The following CACNA2D1 variants were observed in gnomAD, a reference collection of about 807,000 sequenced individuals.
The protein encoded by CACNA2D1 is voltage-dependent calcium channel subunit alpha-2/delta-1.
In CACNA2D1, 53 loss-of-function variants were observed where a neutral mutation model predicts 171.5. That is an observed-to-expected ratio of 0.31 (90% CI 0.25 to 0.39). The LOEUF is 0.39. Ranked by LOEUF, CACNA2D1 falls within the 10% of genes least tolerant of loss-of-function variation. The pLI, the probability that CACNA2D1 is intolerant of heterozygous loss-of-function variation, is 1.00. For synonymous variants in CACNA2D1, 442 were observed against 443.1 expected, an observed-to-expected ratio of 1.00 and a Z score of 0.03; for missense variants, 903 against 1,299.8, an observed-to-expected ratio of 0.69 and a Z score of 4.69.
At position 81,959,808 on chromosome 7, in the gene CACNA2D1, A is replaced by G. The variant is rs760510222; in HGVS notation, c.2988T>C (p.Leu996=). ...NCSRIFHGEK[L]MNTNLIFIMV... ...TTATGAATATTAAGTTGGTGTTCATAAGCTTTTCTCCATGAAAGATTCTGC... is the reference window on the plus strand; with the variant it reads ...TTATGAATATTAAGTTGGTGTTCATGAGCTTTTCTCCATGAAAGATTCTGC... Residue 996 remains leucine, a synonymous_variant, in exon 37 of 39, where the codon CTT becomes CTC. Transcript: ENST00000356860. The G allele has an allele frequency of 6.2e-7, 1 of 1,612,406 alleles. No homozygotes were observed. Among genetic ancestry groups the G allele is most frequent in the Non-Finnish European group, 8.5e-7 (1 of 1,178,990 alleles).
intron 10 of CACNA2D1, among the ~76,000 whole-genome samples, chr7:82,044,507 T>C (rs943050018): frequency 6.6e-6 from 1 of 152,148 alleles, no homozygotes; most frequent in African/African-American, 2.4e-5. Context: ...TGGAAAAGGA[T>C]TTTTTAAATT....
intron 3 of CACNA2D1, among the ~76,000 whole-genome samples, chr7:82,266,027 C>G (rs1307139361): frequency 6.6e-6 from 1 of 152,096 alleles, no homozygotes; most frequent in Non-Finnish European, 1.5e-5. Context: ...TACAAGATGG[C>G]AAATTTATTT....
intron 3 of CACNA2D1, among the ~76,000 whole-genome samples, chr7:82,303,302 C>T (rs750060568): frequency 1.3e-5 from 2 of 152,018 alleles, no homozygotes; most frequent in African/African-American, 4.8e-5. Flanking sequence ...CCACCACATC[C>T]GGCCAACATT....
chr7:82,272,310 A>G (rs1808739557), intron 3 of CACNA2D1, among the ~76,000 whole-genome samples: 1 of 152,178 alleles, frequency 6.6e-6, no homozygotes, highest in Admixed American at 6.5e-5. Context: ...AATAGTAATA[A>G]TAGTTGTAGT....
chr7:82,397,155 T>C (rs1825828015), intron 1 of CACNA2D1, among the ~76,000 whole-genome samples: 1 of 152,142 alleles, frequency 6.6e-6, no homozygotes, highest in Non-Finnish European at 1.5e-5. Context: ...ACTAACTCGC[T>C]TTCCCCAAAA....
chr7:82,356,866 T>C (rs919812386), intron 1 of CACNA2D1, among the ~76,000 whole-genome samples: 3 of 152,224 alleles, frequency 2.0e-5, no homozygotes, highest in Non-Finnish European at 4.4e-5. Context: ...CCAAATATTT[T>C]GTGTGTATTA....
At chr7:82,389,940 T>A (rs1459927927) in intron 1 of CACNA2D1, among the ~76,000 whole-genome samples, 1 of 152,224 alleles carries the variant, frequency 6.6e-6, no homozygotes, top group Non-Finnish European at 1.5e-5. Context: ...GTTCTTTGTG[T>A]TGTTACTTGA....
At chr7:82,330,681 T>C (rs2129443661) in intron 3 of CACNA2D1, among the ~76,000 whole-genome samples, 1 of 152,284 alleles carries the variant, frequency 6.6e-6, no homozygotes, top group South Asian at 2.1e-4. Context: ...CAGGATTCAC[T>C]GAAAAATTAA....
chr7:82,161,691 A>G (rs1258834128), intron 4 of CACNA2D1, among the ~76,000 whole-genome samples: 2 of 152,048 alleles, frequency 1.3e-5, no homozygotes, highest in Admixed American at 6.6e-5. Flanking sequence ...AGTAATAGAA[A>G]TAATAGTTCA....
chr7:82,061,630 T>C (rs1269351255), intron 9 of CACNA2D1, among the ~76,000 whole-genome samples: 1 of 152,144 alleles, frequency 6.6e-6, no homozygotes, highest in Non-Finnish European at 1.5e-5. Context: ...GACCATGGCA[T>C]TGCAGTAAAG....
chr7:82,105,100 G>A (rs1787580219), intron 6 of CACNA2D1, among the ~76,000 whole-genome samples: 1 of 151,726 alleles, frequency 6.6e-6, no homozygotes, highest in African/African-American at 2.4e-5. Context: ...TTAAAATATG[G>A]TAATTATTTT....
At chr7:82,225,942 A>T (rs1222975368) in intron 3 of CACNA2D1, among the ~76,000 whole-genome samples, 1 of 152,240 alleles carries the variant, frequency 6.6e-6, no homozygotes, top group Admixed American at 6.5e-5. Flanking sequence ...CTAAAAGGAT[A>T]ATAGTCATCT....
At chr7:82,060,341 A>G in intron 10 of CACNA2D1, 87 bp downstream of exon 10, 2 of 860,170 alleles carry the variant, frequency 2.3e-6, no homozygotes, top group Non-Finnish European at 1.9e-6. Context: ...CTCAGCCTCT[A>G]TAAGATAAAA....
chr7:82,396,584 T>G (rs181603120), intron 1 of CACNA2D1, among the ~76,000 whole-genome samples: 2 of 152,368 alleles, frequency 1.3e-5, no homozygotes, highest in Non-Finnish European at 2.9e-5. Context: ...TCTTTACGTC[T>G]AAATAGCTAT....
intron 3 of CACNA2D1, among the ~76,000 whole-genome samples, chr7:82,216,904 AAAAAG>A (rs1378238873): frequency 2.0e-5 from 3 of 151,840 alleles, no homozygotes; most frequent in Non-Finnish European, 4.4e-5. Context: ...AAAAAAAAAA[AAAAAG>A]AAAGCTGGTT....
chr7:82,424,384 C>T (rs921951319), intron 1 of CACNA2D1, among the ~76,000 whole-genome samples: 4 of 152,116 alleles, frequency 2.6e-5, no homozygotes, highest in South Asian at 2.1e-4. Flanking sequence ...GAACTCATAG[C>T]TATTCACCTA....
intron 3 of CACNA2D1, among the ~76,000 whole-genome samples, chr7:82,170,966 C>A (rs146682452): frequency 6.6e-6 from 1 of 151,988 alleles, no homozygotes; most frequent in Admixed American, 6.6e-5. Context: ...TTAGTAAATA[C>A]CTTTGGAGCA....
chr7:81,964,590 GAATGGACACACA>G (rs1449316219), intron 32 of CACNA2D1, among the ~76,000 whole-genome samples: 2 of 151,888 alleles, frequency 1.3e-5, no homozygotes, highest in East Asian at 3.9e-4. Context: ...TTTGTGGAAA[GAATGGACACACA>G]TTACTAAGCA....
chr7:82,338,491 A>G (rs1050236772), intron 2 of CACNA2D1, among the ~76,000 whole-genome samples: 4 of 152,216 alleles, frequency 2.6e-5, no homozygotes, highest in African/African-American at 9.7e-5. Context: ...CACTGCACCC[A>G]GCTAGATCAT....
Sources: gnomAD v4.1 joint callset for allele counts (sites outside exome capture counted in the v4.1 genomes callset) on GRCh38, gnomAD v4.1.1 for gene constraint, MANE v1.5 for transcripts, NCBI Gene and HGNC (gene_info 2026-07-23, HGNC 2026-07-21) for gene names.